NCOA2: variants seen among roughly 807,000 people sequenced by gnomAD.
NCOA2 encodes nuclear receptor coactivator 2.
A neutral mutation model predicts 145.1 loss-of-function variants in NCOA2; 21 were observed. The ratio of observed to expected loss-of-function variants is 0.14; its 90% CI spans 0.10 to 0.21. The LOEUF is 0.21. Among genes scored for constraint, NCOA2 ranks in the 10% least tolerant of loss-of-function variants. NCOA2 has a pLI of 1.00. For missense variants in NCOA2, 1,472 were observed against 1,837.6 expected, an observed-to-expected ratio of 0.80 and a Z score of 3.64; for synonymous variants, 619 against 637.5, an observed-to-expected ratio of 0.97 and a Z score of 0.44.
the NCOA2 span, among the ~76,000 whole-genome samples, chr8:70,444,753 A>G: frequency 1.3e-5 from 2 of 152,256 alleles, no homozygotes; most frequent in African/African-American, 4.8e-5. Context: ...AGAATTAATA[A>G]GACAAAATAT....
At chr8:70,181,549 T>C (rs1249971900) in intron 4 of NCOA2, among the ~76,000 whole-genome samples, 1 of 152,228 alleles carries the variant, frequency 6.6e-6, no homozygotes, top group Non-Finnish European at 1.5e-5. Flanking sequence ...GAATTTAGGT[T>C]ATCTTTCTGT....
In NCOA2 at chr8:70,155,065, A is replaced by G. The variant is rs754354492; in HGVS notation, c.2394+906T>C. On this transcript the variant is annotated intron_variant, in intron 11 of 22. Coordinates refer to ENST00000452400, the MANE Select transcript of NCOA2 (RefSeq NM_006540.4). ...TACAATTTTAATTTGTCAAGTATAA[A>G]TAAGTATTATTTTGAATATCACTTA... Among the ~76,000 whole-genome samples the G allele has an allele frequency of 1.4e-3, 206 of 152,234 alleles. 1 individual carries two copies. The highest frequency in any genetic ancestry group is 1.5e-3 in the Non-Finnish European group (104 of 68,046).
At chr8:70,218,351 GT>G (rs1563638641) in intron 2 of NCOA2, among the ~76,000 whole-genome samples, 1 of 152,084 alleles carries the variant, frequency 6.6e-6, no homozygotes, top group Non-Finnish European at 1.5e-5. Context: ...CTTCTTGCTG[GT>G]TAGAGCAATG....
intron 2 of NCOA2, among the ~76,000 whole-genome samples, chr8:70,293,603 CA>C (rs1487938648): frequency 6.6e-6 from 1 of 152,168 alleles, no homozygotes; most frequent in Non-Finnish European, 1.5e-5. Context: ...TCCTCCCACC[CA>C]AATCTTCCAA....
intron 1 of NCOA2, among the ~76,000 whole-genome samples, chr8:70,299,505 A>T (rs1369131850): frequency 3.3e-5 from 5 of 152,236 alleles, no homozygotes; most frequent in African/African-American, 1.2e-4. Flanking sequence ...CAAATAATTC[A>T]ATTATTTTTA....
At chr8:70,285,772 A>C (rs140608917) in intron 2 of NCOA2, among the ~76,000 whole-genome samples, 248 of 152,362 alleles carry the variant, frequency 1.6e-3, no homozygotes, top group Non-Finnish European at 3.1e-3. Context: ...AGTACAGACT[A>C]AATTGAAAAA....
At chr8:70,144,294 T>G (rs1810779612) in intron 13 of NCOA2, among the ~76,000 whole-genome samples, 1 of 152,234 alleles carries the variant, frequency 6.6e-6, no homozygotes, top group Admixed American at 6.5e-5. Flanking sequence ...ACACAAATAA[T>G]CAATCCATAA....
At chr8:70,250,119 G>A (rs991600458) in intron 2 of NCOA2, among the ~76,000 whole-genome samples, 3 of 150,942 alleles carry the variant, frequency 2.0e-5, no homozygotes, top group Non-Finnish European at 4.4e-5. Flanking sequence ...GACCAGGCAC[G>A]GTGGCTCATG....
chr8:70,251,925 AGGACCTCCCAT>A (rs999489242), intron 2 of NCOA2, among the ~76,000 whole-genome samples: 6 of 152,318 alleles, frequency 3.9e-5, no homozygotes, highest in African/African-American at 1.2e-4. Context: ...TATTGGTTCC[AGGACCTCCCAT>A]GGATACTCAA....
intron 18 of NCOA2, 113 bp from the exon 19 acceptor site, chr8:70,127,160 T>C (rs1164115504): frequency 8.3e-6 from 6 of 725,206 alleles, no homozygotes; most frequent in Non-Finnish European, 1.4e-5. Context: ...TAAAATTATT[T>C]GGAAAAAAAT....
At chr8:70,279,798 A>G (rs958911945) in intron 2 of NCOA2, among the ~76,000 whole-genome samples, 3 of 152,252 alleles carry the variant, frequency 2.0e-5, no homozygotes, top group Admixed American at 6.5e-5. Flanking sequence ...GACATAAGGC[A>G]GAGCTGCTAA....
At chr8:70,200,769 G>T (rs781711485) in intron 4 of NCOA2, among the ~76,000 whole-genome samples, 5 of 152,060 alleles carry the variant, frequency 3.3e-5, no homozygotes, top group Non-Finnish European at 5.9e-5. Context: ...AAATGTGAAT[G>T]TAAGGCCAGG....
At chr8:70,424,068 C>G in the NCOA2 span, 1 of 157,978 alleles carries the variant, frequency 6.3e-6, no homozygotes, top group African/African-American at 2.4e-5. Context: ...AGCAAACTTT[C>G]TCTTTTCCTT....
Position 70,365,265 on chromosome 8 carries a change from G to A in NCOA2, c.-77+38435C>T, listed in dbSNP as rs569701790. 1.8e-4 allele frequency among the ~76,000 whole-genome samples: 27 copies of A among 152,262 alleles called. No individual in the cohort carries two copies. The South Asian group carries it at 5.6e-3, about 32-fold the overall frequency. Reference sequence around the variant, plus strand: ...GAAAACAGATTGAGCCTGCGAGGTCGAGGCTGCAGTGAGCCACGATCGCAC... The same window carrying A: ...GAAAACAGATTGAGCCTGCGAGGTCAAGGCTGCAGTGAGCCACGATCGCAC... On this transcript the variant is annotated intron_variant, in intron 1 of 22. Coordinates refer to ENST00000452400, the MANE Select transcript of NCOA2 (RefSeq NM_006540.4).
intron 1 of NCOA2, among the ~76,000 whole-genome samples, chr8:70,368,306 TG>T (rs1810901412): frequency 6.6e-6 from 1 of 152,160 alleles, no homozygotes; most frequent in South Asian, 2.1e-4. Flanking sequence ...GGGAAATACT[TG>T]GAGATGGGGC....
chr8:70,323,737 A>G (rs1051028955), intron 1 of NCOA2, among the ~76,000 whole-genome samples: 1 of 152,126 alleles, frequency 6.6e-6, no homozygotes, highest in African/African-American at 2.4e-5. Flanking sequence ...ATCTCCAATA[A>G]CCTTTCTGAC....
intron 1 of NCOA2, among the ~76,000 whole-genome samples, chr8:70,318,951 T>C (rs1377800911): frequency 6.6e-6 from 1 of 152,180 alleles, no homozygotes; most frequent in Non-Finnish European, 1.5e-5. Flanking sequence ...TAAATTTTAG[T>C]CCACAGTCTC....
intron 1 of NCOA2, among the ~76,000 whole-genome samples, chr8:70,321,398 A>T (rs901481521): frequency 3.3e-5 from 5 of 151,288 alleles, no homozygotes; most frequent in African/African-American, 1.2e-4. Flanking sequence ...GAGCTCCAGC[A>T]CTCCACCTGC....
At chr8:70,377,529 T>G (rs1221508088) in intron 1 of NCOA2, among the ~76,000 whole-genome samples, 1 of 152,172 alleles carries the variant, frequency 6.6e-6, no homozygotes, top group Non-Finnish European at 1.5e-5. Flanking sequence ...CAAAATAGGT[T>G]GAACAGCTTT....
Sources: allele counts gnomAD v4.1 joint callset (sites outside exome capture counted in the v4.1 genomes callset), GRCh38; gene constraint gnomAD v4.1.1; transcripts MANE v1.5; gene names NCBI Gene and HGNC (gene_info 2026-07-23, HGNC 2026-07-21).